Variants in TRAP1 observed in about 807,000 individuals in gnomAD.
TRAP1 encodes the protein TNF receptor associated protein 1, also known as heat shock protein 75 kDa, mitochondrial.
Under a neutral mutation model 89.1 loss-of-function variants are expected in TRAP1, and 102 were observed. The ratio of observed to expected loss-of-function variants is 1.15; its 90% CI spans 0.98 to 1.35. The LOEUF (loss-of-function observed/expected upper bound fraction) is 1.35, where lower values mean the gene tolerates loss of function less well. Among genes scored for constraint, TRAP1 ranks in the 40% most tolerant of loss-of-function variants. The pLI, the probability that TRAP1 is intolerant of heterozygous loss-of-function variation, is 0.00. For synonymous variants in TRAP1, 508 were observed against 388.0 expected (o/e 1.31, Z -3.64); for missense variants, 1,256 against 945.3 (o/e 1.33, Z -4.31).
intron 4 of TRAP1, 109 bp from the exon 5 acceptor site, chr16:3,679,899 G>A: frequency 1.0e-6 from 1 of 975,822 alleles, no homozygotes; most frequent in Non-Finnish European, 1.6e-6. Context: ...GGCCAGACAG[G>A]GCCCAGCCAG....
intron 4 of TRAP1, 33 bp downstream of exon 4, chr16:3,685,963 G>GCCC: frequency 6.2e-7 from 1 of 1,604,782 alleles, no homozygotes. Context: ...GCATGGCCGG[G>GCCC]CCTGCCACAC....
chr16:3,674,352 T>A lies in TRAP1; in HGVS notation c.1031A>T (p.Tyr344Phe), dbSNP rs777465369. ...ACAGTGCCTCACCATGTCGGGCACG[T>A]AGAAGATGCTGCGGATGTTGAGCGG... ...DAPLNIRSIF[Y>F]VPDMKPSMFD... The change falls in exon 9 of 18, where the codon TAC becomes TTC. Residue 344 changes from tyrosine (Y) to phenylalanine (F), a missense_variant. By Grantham distance (22) the Tyr-to-Phe change is conservative. Coordinates refer to ENST00000246957, the MANE Select transcript of TRAP1 (RefSeq NM_016292.3). The A allele has an allele frequency of 6.2e-7, 1 of 1,613,996 alleles. No homozygotes were observed. The highest frequency in any genetic ancestry group is 8.5e-7 in the Non-Finnish European group (1 of 1,180,008).
intron 9 of TRAP1, among the ~76,000 whole-genome samples, chr16:3,673,062 A>G (rs568609730): frequency 4.0e-5 from 6 of 151,404 alleles, no homozygotes; most frequent in African/African-American, 4.8e-5. Context: ...AGGAGGACAC[A>G]AGAGAGTGAA....
chr16:3,668,896 G>C (rs1192846811), intron 11 of TRAP1, among the ~76,000 whole-genome samples: 1 of 152,202 alleles, frequency 6.6e-6, no homozygotes, highest in Non-Finnish European at 1.5e-5. Flanking sequence ...ACACATTCAG[G>C]ATGGGGAGAG....
At chr16:3,670,890 G>A (rs891075796) in intron 11 of TRAP1, among the ~76,000 whole-genome samples, 4 of 151,982 alleles carry the variant, frequency 2.6e-5, no homozygotes, top group Non-Finnish European at 2.9e-5. Flanking sequence ...TCCTGCCCGC[G>A]GCACAGGACA....
intron 1 of TRAP1, among the ~76,000 whole-genome samples, chr16:3,712,909 C>G (rs1567249393): frequency 6.6e-6 from 1 of 152,200 alleles, no homozygotes; most frequent in South Asian, 2.1e-4. Flanking sequence ...AGCCACCGCG[C>G]CCGGCCTGAT....
intron 7 of TRAP1, 59 bp downstream of exon 7, chr16:3,675,977 G>T: frequency 7.0e-7 from 1 of 1,418,538 alleles, no homozygotes; most frequent in Non-Finnish European, 9.8e-7. Flanking sequence ...CTGCTGACCT[G>T]GTGGCCTCCA....
chr16:3,661,625 C>G lies in TRAP1; in HGVS notation c.1940+362G>C, dbSNP rs2043079892. On this transcript the variant is annotated intron_variant, in intron 16 of 17. Coordinates refer to ENST00000246957, the MANE Select transcript of TRAP1 (RefSeq NM_016292.3). ...TGGCAGCCCCTCTGCATGGGCAACC[C>G]TCATGCCAAGTGAGCAACGTGAGAC... 3 of 221,616 alleles carry G rather than the reference C, an allele frequency of 1.4e-5. No homozygotes were observed. In the East Asian group the frequency reaches 2.8e-4, roughly 20 times the overall value. 13.7% of individuals were successfully genotyped at this position (221,616 alleles called of 1,614,324 possible).
chr16:3,715,611 G>A (rs941084637), intron 1 of TRAP1, among the ~76,000 whole-genome samples: 1 of 151,922 alleles, frequency 6.6e-6, no homozygotes, highest in Non-Finnish European at 1.5e-5. Flanking sequence ...CCTCCAAGGG[G>A]GAAAAAACCC....
chr16:3,695,597 G>A (rs137856162), intron 1 of TRAP1, among the ~76,000 whole-genome samples: 1 of 151,798 alleles, frequency 6.6e-6, no homozygotes, highest in East Asian at 1.9e-4. Flanking sequence ...ACAAAACAGG[G>A]CGCACATGAA....
Position 3,672,618 on chromosome 16 carries a change from A to G in TRAP1, c.1165+82T>C, listed in dbSNP as rs2050929215. Reference sequence around the variant, plus strand: ...CTCTCGCTGCAGAGGGCTGCTGAGAATGGAATCAGCACGGTCCCTCACAGA... The same window carrying G: ...CTCTCGCTGCAGAGGGCTGCTGAGAGTGGAATCAGCACGGTCCCTCACAGA... On this transcript the variant is annotated intron_variant, in intron 10 of 17. Transcript: ENST00000246957. 7.4e-6 allele frequency: 11 copies of G among 1,482,604 alleles called. 1 individual carries two copies. The South Asian group carries it at 1.5e-4, about 20-fold the overall frequency. 91.8% of individuals were successfully genotyped at this position (1,482,604 alleles called of 1,614,324 possible).
At chr16:3,675,796 C>T (rs1177729719) in intron 7 of TRAP1, among the ~76,000 whole-genome samples, 2 of 152,228 alleles carry the variant, frequency 1.3e-5, no homozygotes, top group Non-Finnish European at 2.9e-5. Context: ...AAGGGCCACG[C>T]AGAGGAAGGA....
At chr16:3,714,874 A>G (rs2051577058) in intron 1 of TRAP1, among the ~76,000 whole-genome samples, 2 of 152,192 alleles carry the variant, frequency 1.3e-5, no homozygotes, top group African/African-American at 2.4e-5. Flanking sequence ...AAATTTCAAG[A>G]GGTCTGGATT....
chr16:3,707,992 C>T (rs371286799), intron 1 of TRAP1, among the ~76,000 whole-genome samples: 1 of 152,130 alleles, frequency 6.6e-6, no homozygotes, highest in African/African-American at 2.4e-5. Context: ...CAAGACAAGC[C>T]GGGGCAATAT....
chr16:3,687,916 G>A (rs1300884289), intron 3 of TRAP1, among the ~76,000 whole-genome samples: 3 of 148,882 alleles, frequency 2.0e-5, no homozygotes, highest in Admixed American at 6.7e-5. Context: ...AATTAAGTCC[G>A]CAAGAGCACA....
intron 10 of TRAP1, among the ~76,000 whole-genome samples, chr16:3,672,222 G>A (rs2050923447): frequency 6.6e-6 from 1 of 152,122 alleles, no homozygotes; most frequent in South Asian, 2.1e-4. Context: ...TGTAATCCCA[G>A]CTACTCGGGA....
chr16:3,669,535 G>C lies in TRAP1; in HGVS notation c.1235+2187C>G, dbSNP rs2050882090. Among the ~76,000 whole-genome samples the C allele has an allele frequency of 2.0e-5, 3 of 152,024 alleles. No homozygotes were observed. In the South Asian group the frequency reaches 6.2e-4, roughly 32 times the overall value. ...TCTATCCTAAGGAAATACAGCTGCA[G>C]GTAAAGATTTCAGAACAGGCCAGGC... On this transcript the variant is annotated intron_variant, in intron 11 of 17. Coordinates refer to ENST00000246957, the MANE Select transcript of TRAP1 (RefSeq NM_016292.3).
Position 3,677,615 on chromosome 16 carries a change from T to C in TRAP1, c.587A>G (p.Lys196Arg), listed in dbSNP as rs748321171. Residue 196 changes from lysine (K) to arginine (R), a missense_variant, in exon 6 of 18, where the codon AAG (lysine) becomes AGG (arginine). Lys to Arg is a conservative substitution (Grantham distance 26). Coordinates refer to ENST00000246957, the MANE Select transcript of TRAP1 (RefSeq NM_016292.3). Reference protein sequence around the residue: ...ALQNQAEASSKIIGQFGVGFY... With the variant: ...ALQNQAEASSRIIGQFGVGFY... ...ACCCACTCCAAACTGGCCGATGATC[T>C]TGCTGCTGGCCTCAGCCTGGTTCTG... 3 of 1,614,134 alleles carry C rather than the reference T, an allele frequency of 1.9e-6. No homozygotes were observed. The South Asian group carries it at 3.3e-5, about 18-fold the overall frequency.
intron 6 of TRAP1, chr16:3,676,667 G>A (rs570146544): frequency 2.0e-5 from 3 of 152,726 alleles, no homozygotes; most frequent in Admixed American, 2.0e-4. Flanking sequence ...TTGGGAGAGT[G>A]GGGAGTCAAG....
Sources: gnomAD v4.1 joint callset for allele counts (sites outside exome capture counted in the v4.1 genomes callset) on GRCh38, gnomAD v4.1.1 for gene constraint, MANE v1.5 for transcripts, NCBI Gene and HGNC (gene_info 2026-07-23, HGNC 2026-07-21) for gene names.